Variants in TENM3 observed in about 807,000 individuals in gnomAD.
TENM3 encodes teneurin-3.
Under a neutral mutation model 255.1 loss-of-function variants are expected in TENM3, and 63 were observed. The observed-to-expected ratio is 0.25, with a 90% CI of 0.20 to 0.30. The LOEUF (loss-of-function observed/expected upper bound fraction) is 0.30, where lower values mean the gene tolerates loss of function less well. Among genes scored for constraint, TENM3 ranks in the 10% least tolerant of loss-of-function variants. TENM3 has a pLI of 1.00. For missense variants in TENM3, 2,929 were observed against 3,461.1 expected, an observed-to-expected ratio of 0.85 and a Z score of 3.86; for synonymous variants, 1,306 against 1,322.3, an observed-to-expected ratio of 0.99 and a Z score of 0.27.
chr4:181,887,253 AT>A, the TENM3 span, among the ~76,000 whole-genome samples: 50 of 148,380 alleles, frequency 3.4e-4, no homozygotes, highest in African/African-American at 3.2e-4. Context: ...TACCTGTGTG[AT>A]TTTTTTTTTT....
At chr4:182,265,593 AG>A (rs1346367388) in intron 1 of TENM3, among the ~76,000 whole-genome samples, 1 of 152,192 alleles carries the variant, frequency 6.6e-6, no homozygotes, top group Non-Finnish European at 1.5e-5. Context: ...ATTTGGCCCT[AG>A]AAATGCATGC....
intron 3 of TENM3, 82 bp from the exon 4 acceptor site, chr4:182,600,842 C>A (rs1747754932): frequency 4.5e-6 from 3 of 659,468 alleles, no homozygotes; most frequent in Non-Finnish European, 7.0e-6. Flanking sequence ...GCAGTGGATC[C>A]CCAAGAAATT....
chr4:182,743,005 C>T (rs1014371271), intron 18 of TENM3, among the ~76,000 whole-genome samples, 165 bp from the exon 19 acceptor site: 3 of 152,210 alleles, frequency 2.0e-5, no homozygotes, highest in Admixed American at 1.3e-4. Context: ...TAATATTTTA[C>T]ACTAGGTAGT....
the TENM3 span, among the ~76,000 whole-genome samples, chr4:181,862,782 T>C: frequency 6.6e-6 from 1 of 152,294 alleles, no homozygotes; most frequent in Non-Finnish European, 1.5e-5. Context: ...GACTATTATG[T>C]CCAGTTTAGA....
intron 1 of TENM3, among the ~76,000 whole-genome samples, chr4:182,257,493 A>T (rs1450365966): frequency 6.6e-6 from 1 of 152,178 alleles, no homozygotes; most frequent in Non-Finnish European, 1.5e-5. Context: ...AAAAAAGCAA[A>T]ATAATGAAAG....
chr4:182,678,603 C>T (rs1448316343), intron 7 of TENM3, among the ~76,000 whole-genome samples: 1 of 152,216 alleles, frequency 6.6e-6, no homozygotes, highest in African/African-American at 2.4e-5. Context: ...GCCAACCCCA[C>T]CATTACCAGA....
At chr4:181,891,150 A>G in the TENM3 span, among the ~76,000 whole-genome samples, 1 of 152,244 alleles carries the variant, frequency 6.6e-6, no homozygotes, top group Non-Finnish European at 1.5e-5. Flanking sequence ...AGAGCAGATG[A>G]AATTTCAATA....
intron 12 of TENM3, among the ~76,000 whole-genome samples, chr4:182,691,636 G>A (rs1404089529): frequency 2.6e-5 from 4 of 152,210 alleles, no homozygotes; most frequent in African/African-American, 4.8e-5. Flanking sequence ...AGGCATATTC[G>A]TCTGCAGGTT....
intron 3 of TENM3, among the ~76,000 whole-genome samples, chr4:182,434,300 T>G (rs2151210992): frequency 6.6e-6 from 1 of 152,166 alleles, no homozygotes; most frequent in Middle Eastern, 3.4e-3. Context: ...CAGGACCTGT[T>G]TTTGGAAATA....
chr4:182,600,294 A>G (rs1350376605), intron 3 of TENM3, among the ~76,000 whole-genome samples: 1 of 152,206 alleles, frequency 6.6e-6, no homozygotes, highest in Non-Finnish European at 1.5e-5. Context: ...GATGTGATTC[A>G]GTCTGTTAAG....
intron 2 of TENM3, among the ~76,000 whole-genome samples, chr4:182,345,620 T>A (rs945163019): frequency 6.6e-6 from 1 of 152,190 alleles, no homozygotes; most frequent in African/African-American, 2.4e-5. Flanking sequence ...TATGTATGCA[T>A]GACAAGCAAA....
At chr4:182,428,252 A>T (rs1771379049) in intron 3 of TENM3, among the ~76,000 whole-genome samples, 1 of 152,172 alleles carries the variant, frequency 6.6e-6, no homozygotes, top group Admixed American at 6.5e-5. Context: ...TACTTGGCAA[A>T]GAAAGAAAAA....
intron 13 of TENM3, among the ~76,000 whole-genome samples, chr4:182,715,709 G>A (rs1002174213): frequency 9.2e-5 from 14 of 152,118 alleles, no homozygotes; most frequent in African/African-American, 2.9e-4. Context: ...GAAACAGAGC[G>A]ACCAGAACCA....
the TENM3 span, among the ~76,000 whole-genome samples, chr4:181,560,351 C>A: frequency 9.2e-5 from 14 of 152,338 alleles, no homozygotes; most frequent in East Asian, 1.9e-4. Flanking sequence ...CAGGTTTCAA[C>A]ATATGAGTTA....
At chr4:182,675,688 TA>T (rs1755611923) in intron 7 of TENM3, among the ~76,000 whole-genome samples, 1 of 152,230 alleles carries the variant, frequency 6.6e-6, no homozygotes. Context: ...TATTTGTGTA[TA>T]ATTCAAGAAA....
At chr4:182,426,582 G>A (rs903342516) in intron 3 of TENM3, among the ~76,000 whole-genome samples, 1 of 151,976 alleles carries the variant, frequency 6.6e-6, no homozygotes, top group African/African-American at 2.4e-5. Flanking sequence ...AAATCAAATT[G>A]GGACTAATCT....
intron 3 of TENM3, among the ~76,000 whole-genome samples, chr4:182,539,748 G>A (rs1001404149): frequency 2.0e-5 from 3 of 152,200 alleles, no homozygotes; most frequent in African/African-American, 7.2e-5. Context: ...CACTGTTCTA[G>A]GTTCTGGGAA....
chr4:181,650,054 C>A, the TENM3 span, among the ~76,000 whole-genome samples: 5 of 152,092 alleles, frequency 3.3e-5, no homozygotes. Context: ...TTTTTCAGAG[C>A]ATATGTGCTT....
At chr4:181,683,768 G>A in the TENM3 span, among the ~76,000 whole-genome samples, 1 of 152,126 alleles carries the variant, frequency 6.6e-6, no homozygotes, top group African/African-American at 2.4e-5. Context: ...GGTGAAATCT[G>A]TACTACCCGA....
Sources: allele counts gnomAD v4.1 joint callset (sites outside exome capture counted in the v4.1 genomes callset), GRCh38; gene constraint gnomAD v4.1.1; transcripts MANE v1.5; gene names NCBI Gene and HGNC (gene_info 2026-07-23, HGNC 2026-07-21).